Variants in ABCA6 observed in about 807,000 individuals in gnomAD.
The protein encoded by ABCA6 is ATP binding cassette subfamily A member 6.
In ABCA6, 164 loss-of-function variants were observed where a neutral mutation model predicts 191.2. The observed-to-expected ratio is 0.86, with a 90% confidence interval of 0.76 to 0.98. The LOEUF (loss-of-function observed/expected upper bound fraction) is 0.98. ABCA6 is among the 50% of genes least tolerant of loss of function. The pLI, the probability that ABCA6 is intolerant of heterozygous loss-of-function variation, is 0.00. For missense variants in ABCA6, 1,958 were observed against 1,894.1 expected (o/e 1.03, Z -0.63); for synonymous variants, 636 against 647.7 (o/e 0.98, Z 0.27).
At chr17:69,138,516 C>G (rs1449647528) in intron 2 of ABCA6, among the ~76,000 whole-genome samples, 1 of 152,040 alleles carries the variant, frequency 6.6e-6, no homozygotes, top group East Asian at 1.9e-4. Flanking sequence ...AATGGCCATA[C>G]TGCCCAAGGT....
chr17:69,085,142 C>G lies in ABCA6; in HGVS notation c.4070G>C (p.Gly1357Ala), dbSNP rs762811326. 12 of 1,611,948 alleles carry G rather than the reference C, an allele frequency of 7.4e-6. No individual in the cohort carries two copies. Among genetic ancestry groups the G allele is most frequent in the Non-Finnish European group, 1.0e-5 (12 of 1,179,120 alleles). Reference protein sequence around the residue: ...KGCSSVLGHLGYCPQENVLWP... With the variant: ...KGCSSVLGHLAYCPQENVLWP... ...CAGCACGTTCTCTTGAGGGCAGTAC[C>G]CCAGGTGGCCCAAAACTGAACTGCA... is the stretch of plus-strand genomic sequence containing the variant. The change falls in exon 32 of 39, where the codon GGG (glycine) becomes GCG (alanine). Residue 1357 changes from glycine to alanine, a missense_variant. Coordinates refer to ENST00000284425, the MANE Select transcript of ABCA6 (RefSeq NM_080284.3).
chr17:69,125,666 T>A (rs2073738071), intron 8 of ABCA6, among the ~76,000 whole-genome samples: 1 of 152,104 alleles, frequency 6.6e-6, no homozygotes, highest in South Asian at 2.1e-4. Context: ...AAGAAAGTCT[T>A]ACTCTTAGGG....
intron 25 of ABCA6, among the ~76,000 whole-genome samples, chr17:69,091,802 G>GAAAGCTAAAA (rs2072929851): frequency 5.2e-5 from 1 of 19,220 alleles, no homozygotes; most frequent in East Asian, 3.8e-4. Flanking sequence ...GATTACAGGC[G>GAAAGCTAAAA]TGAGCCACCG....
intron 33 of ABCA6, 21 bp from the exon 34 acceptor site, chr17:69,084,376 C>A (rs745525222): frequency 6.2e-7 from 1 of 1,613,982 alleles, no homozygotes; most frequent in Non-Finnish European, 8.5e-7. Flanking sequence ...GAAAAACACC[C>A]CTGTTTGCTG....
At position 69,085,169 on chromosome 17, in the gene ABCA6, C is replaced by A. The variant is rs140310197; in HGVS notation, c.4043G>T (p.Gly1348Val). The A allele has an allele frequency of 3.7e-5, 60 of 1,608,346 alleles. No individual in the cohort carries two copies. The African/African-American group carries it at 5.4e-4, about 14-fold the overall frequency. The change falls in exon 32 of 39, where the codon GGC (glycine) becomes GTC (valine). Residue 1348 changes from glycine (G) to valine (V), a missense_variant. Coordinates refer to ENST00000284425, the MANE Select transcript of ABCA6 (RefSeq NM_080284.3). ...KPTAGEVELK[G>V]CSSVLGHLGY... ...CAGGTGGCCCAAAACTGAACTGCAGCCTTTCAGTTCCACCTAAAAAAATAA... is the reference window on the plus strand; with the variant it reads ...CAGGTGGCCCAAAACTGAACTGCAGACTTTCAGTTCCACCTAAAAAAATAA...
intron 19 of ABCA6, 58 bp from the exon 20 acceptor site, chr17:69,105,686 G>T: frequency 7.9e-7 from 1 of 1,258,150 alleles, no homozygotes; most frequent in Non-Finnish European, 1.1e-6. Flanking sequence ...TATTTAGTAA[G>T]ACATTCCACA....
intron 2 of ABCA6, among the ~76,000 whole-genome samples, chr17:69,138,527 A>G (rs2073982740): frequency 6.6e-6 from 1 of 152,064 alleles, no homozygotes; most frequent in Non-Finnish European, 1.5e-5. Context: ...TGCCCAAGGT[A>G]ATTTATAGAT....
intron 2 of ABCA6, among the ~76,000 whole-genome samples, chr17:69,138,886 T>G (rs2073988111): frequency 6.6e-6 from 1 of 151,942 alleles, no homozygotes; most frequent in Admixed American, 6.6e-5. Context: ...GAAAACTGGC[T>G]AGCCATGTGT....
intron 2 of ABCA6, among the ~76,000 whole-genome samples, chr17:69,139,467 G>A (rs905723396): frequency 6.6e-6 from 1 of 152,150 alleles, no homozygotes; most frequent in Non-Finnish European, 1.5e-5. Context: ...GAGAGGATGT[G>A]GAGAAATAGG....
chr17:69,126,465 C>A (rs116212371), intron 8 of ABCA6, among the ~76,000 whole-genome samples: 47 of 151,880 alleles, frequency 3.1e-4, no homozygotes, highest in African/African-American at 1.1e-3. Context: ...GCTTGAGTGA[C>A]ATGGTGAGAC....
intron 22 of ABCA6, among the ~76,000 whole-genome samples, chr17:69,098,857 T>A (rs1471873548): frequency 6.6e-6 from 1 of 152,110 alleles, no homozygotes; most frequent in Non-Finnish European, 1.5e-5. Context: ...GACGGCAAAG[T>A]TCTGGAGATG....
chr17:69,120,528 G>A (rs534132212), intron 10 of ABCA6, among the ~76,000 whole-genome samples: 1 of 152,024 alleles, frequency 6.6e-6, no homozygotes, highest in East Asian at 1.9e-4. Flanking sequence ...GTTCATATTT[G>A]CTGCCCTAAA....
rs145148806 is a variant in ABCA6 at position 69,129,695 on chromosome 17, G to C, written c.848C>G (p.Thr283Arg). ...AATTTGGGTGAATGTTATGATAATT[G>C]TAACGAATATGGAAATAATAAAGAT... ...GFIFIISIFV[T>R]IIITFTQIIV... The change falls in exon 7 of 39, where the codon ACA becomes AGA. Residue 283 changes from threonine (T) to arginine (R), a missense_variant. By Grantham distance (71) the Thr-to-Arg change is moderately conservative (BLOSUM62 -1). Transcript: ENST00000284425. 1 of 1,604,514 alleles carries C rather than the reference G, an allele frequency of 6.2e-7. No homozygotes were observed. Among genetic ancestry groups the C allele is most frequent in the Non-Finnish European group, 8.5e-7 (1 of 1,172,080 alleles).
intron 34 of ABCA6, 55 bp downstream of exon 34, chr17:69,084,206 T>C (rs2072711213): frequency 6.5e-7 from 1 of 1,542,436 alleles, no homozygotes; most frequent in African/African-American, 1.4e-5. Context: ...CCAGTTAAAA[T>C]ATGCAACCTT....
chr17:69,110,345 A>C (rs1407750042), intron 17 of ABCA6: 1 of 156,870 alleles, frequency 6.4e-6, no homozygotes, highest in Non-Finnish European at 1.4e-5. Flanking sequence ...CTTTTTCTGT[A>C]CTTGGAAGTA....
chr17:69,079,151 T>C, intron 38 of ABCA6, 59 bp downstream of exon 38: 6 of 1,584,090 alleles, frequency 3.8e-6, no homozygotes, highest in Non-Finnish European at 5.2e-6. Flanking sequence ...AACAGGAAAA[T>C]GCATGTTGCT....
chr17:69,085,007 A>T, intron 32 of ABCA6, 21 bp downstream of exon 32: 1 of 1,574,060 alleles, frequency 6.4e-7, no homozygotes, highest in African/African-American at 1.4e-5. Flanking sequence ...GACACAAAGG[A>T]ATCGCAGGTC....
Position 69,091,268 on chromosome 17 carries a change from AG to A in ABCA6, c.3409-7del, listed in dbSNP as rs764656370. The A allele has an allele frequency of 2.5e-6, 4 of 1,609,108 alleles. No individual in the cohort carries two copies. The South Asian group carries it at 4.4e-5, about 18-fold the overall frequency. On this transcript the variant is annotated splice_polypyrimidine_tract_variant and splice_region_variant and intron_variant, in intron 25 of 38. Coordinates refer to ENST00000284425, the MANE Select transcript of ABCA6 (RefSeq NM_080284.3). Reference sequence around the variant, plus strand: ...GAAAACATGATGGTGGAGGCCTACAAGGCAAGTTCAAATATATTGTATCAGA... The same window carrying A: ...GAAAACATGATGGTGGAGGCCTACAAGCAAGTTCAAATATATTGTATCAGA...
chr17:69,083,359 T>C, intron 34 of ABCA6, 28 bp from the exon 35 acceptor site: 2 of 1,545,368 alleles, frequency 1.3e-6, no homozygotes, highest in African/African-American at 1.4e-5. Context: ...ATTAACAGTA[T>C]TTAAAATAAC....
Sources: allele counts gnomAD v4.1 joint callset (sites outside exome capture counted in the v4.1 genomes callset), GRCh38; gene constraint gnomAD v4.1.1; transcripts MANE v1.5; gene names NCBI Gene and HGNC (gene_info 2026-07-23, HGNC 2026-07-21).